Variants in TMEM163 observed in about 807,000 individuals in gnomAD.
The protein encoded by TMEM163 is transmembrane protein 163.
A neutral mutation model predicts 29.3 loss-of-function variants in TMEM163; 17 were observed. The observed-to-expected ratio is 0.58, with a 90% CI of 0.40 to 0.87. TMEM163 has a LOEUF of 0.87. Among genes scored for constraint, TMEM163 ranks in the 40% least tolerant of loss-of-function variants. The pLI is 0.00. For synonymous variants in TMEM163, 157 were observed against 160.6 expected, an observed-to-expected ratio of 0.98 and a Z score of 0.17; for missense variants, 303 against 381.5, an observed-to-expected ratio of 0.79 and a Z score of 1.71.
chr2:134,669,512 C>G (rs1187199118), intron 2 of TMEM163, among the ~76,000 whole-genome samples: 1 of 152,232 alleles, frequency 6.6e-6, no homozygotes, highest in East Asian at 1.9e-4. Context: ...AGTTCCCCAT[C>G]CTGGGGCGCA....
intron 4 of TMEM163, among the ~76,000 whole-genome samples, chr2:134,511,404 T>C (rs2321985): frequency 0.15 from 22,749 of 152,130 alleles, 1,857 homozygotes; most frequent in Middle Eastern, 0.3. Context: ...GTTTTTCCAC[T>C]AAGGATGGCA....
At chr2:134,622,161 A>G (rs1333917399) in intron 2 of TMEM163, among the ~76,000 whole-genome samples, 1 of 152,232 alleles carries the variant, frequency 6.6e-6, no homozygotes, top group Non-Finnish European at 1.5e-5. Flanking sequence ...GAAGTTGAGA[A>G]TAGAGACTGA....
rs1264724212 is a variant in TMEM163, at chr2:134,457,715, T to C, written c.809+317A>G. ...CACGCAAAGGTGCTTCCCTGGGGCA[T>C]CATGAAGACTGTCAGAGAGGAAGGA... On this transcript the variant is annotated intron_variant, in intron 7 of 7. Transcript: ENST00000281924. Among the ~76,000 whole-genome samples the C allele has an allele frequency of 2.6e-5, 4 of 152,166 alleles. No individual in the cohort carries two copies. In the East Asian group the frequency reaches 5.8e-4, roughly 22 times the overall value.
At chr2:134,551,592 G>A (rs994748785) in intron 3 of TMEM163, among the ~76,000 whole-genome samples, 1 of 152,182 alleles carries the variant, frequency 6.6e-6, no homozygotes, top group Admixed American at 6.5e-5. Flanking sequence ...CTGTGAAGCA[G>A]AGACCCACTT....
intron 2 of TMEM163, among the ~76,000 whole-genome samples, chr2:134,697,985 G>A (rs1462216405): frequency 1.3e-5 from 2 of 152,130 alleles, no homozygotes; most frequent in South Asian, 2.1e-4. Context: ...ATGAGATTGG[G>A]ATTATCTGAT....
chr2:134,592,200 G>T (rs1035841452), intron 2 of TMEM163, among the ~76,000 whole-genome samples: 22 of 152,270 alleles, frequency 1.4e-4, no homozygotes, highest in African/African-American at 5.1e-4. Flanking sequence ...GGAAGCCAAG[G>T]TTCTTGTTAT....
At chr2:134,487,709 C>T (rs976087819) in intron 5 of TMEM163, among the ~76,000 whole-genome samples, 3 of 152,134 alleles carry the variant, frequency 2.0e-5, no homozygotes, top group Non-Finnish European at 2.9e-5. Context: ...CAGAATGGAA[C>T]GGCAAGTCCA....
chr2:134,473,544 A>AAAAG (rs1334514861), intron 5 of TMEM163, among the ~76,000 whole-genome samples: 2 of 151,662 alleles, frequency 1.3e-5, no homozygotes, highest in African/African-American at 2.4e-5. Context: ...TCAAAAAAAA[A>AAAAG]AAAAAGAAAA....
rs376032711 is a variant in TMEM163 at position 134,684,282 on chromosome 2, A to G, written c.322+28918T>C. 3.3e-5 allele frequency among the ~76,000 whole-genome samples: 5 copies of G among 152,174 alleles called. 1 individual carries two copies. Among genetic ancestry groups the G allele is most frequent in the South Asian group, 4.2e-4 (2 of 4,802 alleles). On this transcript the variant is annotated intron_variant, in intron 2 of 7. Transcript: ENST00000281924. The stretch of plus-strand genomic sequence containing the variant: ...AAATGAAAAGATGTATCAAGCATAA[A>G]CCTTACCATCGAGAGGCTTCACTAG...
chr2:134,612,542 A>AC (rs1682528191), intron 2 of TMEM163, among the ~76,000 whole-genome samples: 1 of 140,658 alleles, frequency 7.1e-6, no homozygotes, highest in Non-Finnish European at 1.5e-5. Context: ...GGTTTGCCCC[A>AC]ACACACACAC....
intron 5 of TMEM163, among the ~76,000 whole-genome samples, chr2:134,475,950 G>A (rs942846024): frequency 5.5e-4 from 83 of 152,258 alleles, no homozygotes; most frequent in African/African-American, 1.9e-3. Context: ...ATTAAATATA[G>A]ACTTACCATA....
intron 2 of TMEM163, among the ~76,000 whole-genome samples, chr2:134,602,135 T>G (rs535588887): frequency 6.6e-6 from 1 of 152,266 alleles, no homozygotes; most frequent in Admixed American, 6.5e-5. Flanking sequence ...GTCTGAAATG[T>G]CCGGTGAGAA....
chr2:134,568,555 G>C (rs1269673131), intron 2 of TMEM163, among the ~76,000 whole-genome samples: 1 of 90,736 alleles, frequency 1.1e-5, no homozygotes, highest in Non-Finnish European at 2.4e-5. Context: ...GAAAGAAAAA[G>C]AAAGAAAAGA....
intron 2 of TMEM163, among the ~76,000 whole-genome samples, chr2:134,598,673 G>C (rs1682148424): frequency 6.6e-6 from 1 of 152,238 alleles, no homozygotes; most frequent in African/African-American, 2.4e-5. Context: ...CAGCACTTTG[G>C]GAGGCCAAGG....
chr2:134,713,213 C>A lies in TMEM163; in HGVS notation c.309G>T (p.Ala103=), dbSNP rs543616754. ...CTTGATACTCACTAAAGGCAGCCAC[C>A]GCGAGGGCCAGGGTGACAATGATGG... ...WFSIIVTLAL[A]VAAFTVSVMR... is the part of the protein sequence containing the mutation. Residue 103 remains alanine (A), a synonymous_variant, in exon 2 of 8, where the codon GCG becomes GCT. Coordinates refer to ENST00000281924, the MANE Select transcript of TMEM163 (RefSeq NM_030923.5). 5 of 1,613,970 alleles carry A rather than the reference C, an allele frequency of 3.1e-6. No homozygotes were observed. In the East Asian group the frequency reaches 1.1e-4, roughly 36 times the overall value.
At chr2:134,694,484 A>G (rs542148309) in intron 2 of TMEM163, among the ~76,000 whole-genome samples, 26 of 152,222 alleles carry the variant, frequency 1.7e-4, no homozygotes, top group Non-Finnish European at 3.2e-4. Context: ...TTTACTTACC[A>G]CTAAGAACTT....
intron 5 of TMEM163, among the ~76,000 whole-genome samples, chr2:134,496,549 C>T (rs1414883118): frequency 6.6e-6 from 1 of 152,174 alleles, no homozygotes; most frequent in Non-Finnish European, 1.5e-5. Context: ...AGATGGCCAC[C>T]TCGCCAGAGC....
chr2:134,548,902 T>G lies in TMEM163; in HGVS notation c.458+1668A>C, dbSNP rs1304737602. On this transcript the variant is annotated intron_variant, in intron 4 of 7. Transcript: ENST00000281924. ...GGAATTTTCTACTTGTGACATCAGGTTGGTGCTTAAAAAGCTTTGAATTTG... is the reference window on the plus strand; with the variant it reads ...GGAATTTTCTACTTGTGACATCAGGGTGGTGCTTAAAAAGCTTTGAATTTG... 2.0e-5 allele frequency among the ~76,000 whole-genome samples: 3 copies of G among 152,148 alleles called. No homozygotes were observed. The East Asian group carries it at 5.8e-4, about 29-fold the overall frequency.
intron 2 of TMEM163, among the ~76,000 whole-genome samples, chr2:134,604,747 A>C (rs1271806514): frequency 6.6e-6 from 1 of 152,246 alleles, no homozygotes; most frequent in Non-Finnish European, 1.5e-5. Context: ...AAATTAGCAA[A>C]TGAGATGCAA....
Sources: gnomAD v4.1 joint callset for allele counts (sites outside exome capture counted in the v4.1 genomes callset) on GRCh38, gnomAD v4.1.1 for gene constraint, MANE v1.5 for transcripts, NCBI Gene and HGNC (gene_info 2026-07-23, HGNC 2026-07-21) for gene names.